The following DDT variants were observed in gnomAD, a reference collection of about 807,000 sequenced individuals.
DDT encodes the protein D-dopachrome tautomerase, also known as D-dopachrome decarboxylase.
DDT carries 4 observed loss-of-function variants against 2.5 expected under a neutral mutation model. The observed-to-expected ratio is 1.59, with a 90% CI of 0.78 to 3.63. DDT has a LOEUF of 3.63. DDT is among the 30% of genes most tolerant of loss of function. The probability of loss-of-function intolerance (pLI) is 0.01; values close to 1 mark genes in which losing one functional copy is unlikely to be tolerated. For synonymous variants in DDT, 11 were observed against 10.0 expected (o/e 1.10, Z -0.19); for missense variants, 32 against 30.0 (o/e 1.07, Z -0.15).
chr22:23,971,552 C>A lies in DDT; in HGVS notation c.356G>T (p.Ter119LeuextTer28). ...GKIGTVMTFL[*>L] ...TGCCCTGGATCCCTCCGTGCCCAAT[C>A]ATAAAAAAGTCATGACCGTCCCTAT... The change falls in exon 3 of 3, where the codon TGA becomes TTA. Residue 119 changes from the stop codon to leucine, a stop_lost. Coordinates refer to ENST00000398344, the MANE Select transcript of DDT (RefSeq NM_001084392.3). 1 of 1,614,034 alleles carries A rather than the reference C, an allele frequency of 6.2e-7. No homozygotes were observed. Among genetic ancestry groups the A allele is most frequent in the Non-Finnish European group, 8.5e-7 (1 of 1,179,956 alleles).
intron 2 of DDT, 55 bp from the exon 3 acceptor site, chr22:23,971,678 G>C: frequency 2.0e-6 from 3 of 1,530,400 alleles, no homozygotes; most frequent in African/African-American, 1.4e-5. Context: ...ACCACATCTT[G>C]CAAGACCCCT....
chr22:23,971,501 T>C lies in DDT; in HGVS notation c.*50A>G. Reference sequence around the variant, plus strand: ...GGCCCTCACTCTGCCAAGAGATCTCTCTGGAAGAAGCAGCCAGTTCACAGA... The same window carrying C: ...GGCCCTCACTCTGCCAAGAGATCTCCCTGGAAGAAGCAGCCAGTTCACAGA... On this transcript the variant is annotated 3_prime_UTR_variant, in exon 3 of 3. Coordinates refer to ENST00000398344, the MANE Select transcript of DDT (RefSeq NM_001084392.3). 1 of 1,611,168 alleles carries C rather than the reference T, an allele frequency of 6.2e-7. No homozygotes were observed. Among genetic ancestry groups the C allele is most frequent in the Non-Finnish European group, 8.5e-7 (1 of 1,178,116 alleles).
intron 2 of DDT, 89 bp from the exon 3 acceptor site, chr22:23,971,712 C>A (rs551107747): frequency 5.8e-6 from 7 of 1,199,058 alleles, no homozygotes; most frequent in Non-Finnish European, 8.3e-6. Flanking sequence ...ACTGTGGGTA[C>A]TCAGGACAGC....
At chr22:23,975,593 C>A (rs1393839253), upstream of DDT, among the ~76,000 whole-genome samples, 1 of 107,326 alleles carries the variant, frequency 9.3e-6, no homozygotes, top group East Asian at 2.7e-4. Context: ...GGCTAGGCAA[C>A]ATAGCAAGAT....
intron 2 of DDT, chr22:23,971,870 G>C (rs2033911459): frequency 3.9e-6 from 2 of 512,610 alleles, no homozygotes; most frequent in African/African-American, 3.8e-5. Context: ...AGTAGCCTCG[G>C]TGTGTGTGCC....
chr22:23,973,366 A>ATACG, intron 2 of DDT: 1 of 4,034 alleles, frequency 2.5e-4, no homozygotes, highest in Admixed American at 9.3e-4. Context: ...CAGGTCCAAA[A>ATACG]TACGTAACTT....
intron 2 of DDT, 54 bp from the exon 3 acceptor site, chr22:23,971,677 T>TG: frequency 6.5e-7 from 1 of 1,534,124 alleles, no homozygotes; most frequent in Middle Eastern, 1.7e-4. Flanking sequence ...TACCACATCT[T>TG]GCAAGACCCC....
chr22:23,972,474 T>C (rs1443174298), intron 2 of DDT: 2 of 150,074 alleles, frequency 1.3e-5, no homozygotes, highest in African/African-American at 2.5e-5. Context: ...TTACTTATAA[T>C]ACCTAATATA....
At chr22:23,972,389 TC>T (rs2033924372) in intron 2 of DDT, 1 of 181,904 alleles carries the variant, frequency 5.5e-6, no homozygotes, top group Non-Finnish European at 1.0e-5. Flanking sequence ...TTTGCTCAAG[TC>T]CCTTACATAA....
At position 23,971,445 on chromosome 22, in the gene DDT, A is replaced by G. The variant is rs1244369968; in HGVS notation, c.*106T>C. On this transcript the variant is annotated 3_prime_UTR_variant, in exon 3 of 3. Coordinates refer to ENST00000398344, the MANE Select transcript of DDT (RefSeq NM_001084392.3). ...GATTATGTGATCACAGGAATGTTGC[A>G]TGCGGGATAATCCAAAGCTGGTTAT... 2 of 1,608,626 alleles carry G rather than the reference A, an allele frequency of 1.2e-6. No homozygotes were observed. Among genetic ancestry groups the G allele is most frequent in the Non-Finnish European group, 8.5e-7 (1 of 1,176,540 alleles).
At position 23,971,466 on chromosome 22, in the gene DDT, G is replaced by C; in HGVS notation, c.*85C>G. ...TTGCATGCGGGATAATCCAAAGCTG[G>C]TTATCTCCAGGCCCTCACTCTGCCA... On this transcript the variant is annotated 3_prime_UTR_variant, in exon 3 of 3. Coordinates refer to ENST00000398344, the MANE Select transcript of DDT (RefSeq NM_001084392.3). 1 of 1,606,952 alleles carries C rather than the reference G, an allele frequency of 6.2e-7. No homozygotes were observed. The highest frequency in any genetic ancestry group is 8.5e-7 in the Non-Finnish European group (1 of 1,175,520).
intron 2 of DDT, chr22:23,972,891 T>C (rs1342036462): frequency 3.1e-4 from 19 of 61,692 alleles, no homozygotes; most frequent in Admixed American, 1.7e-3. Flanking sequence ...CACACCACCA[T>C]GTCCGGTTAA....
chr22:23,972,291 G>A (rs1433368167), intron 2 of DDT: 2 of 881,652 alleles, frequency 2.3e-6, no homozygotes, highest in African/African-American at 1.8e-5. Flanking sequence ...CATGGTAAGT[G>A]TATAACACTT....
Position 23,971,472 on chromosome 22 carries a change from T to C in DDT, c.*79A>G. 6 of 1,607,718 alleles carry C rather than the reference T, an allele frequency of 3.7e-6. No homozygotes were observed. Among genetic ancestry groups the C allele is most frequent in the Non-Finnish European group, 5.1e-6 (6 of 1,175,878 alleles). On this transcript the variant is annotated 3_prime_UTR_variant, in exon 3 of 3. Transcript: ENST00000398344. ...GCGGGATAATCCAAAGCTGGTTATC[T>C]CCAGGCCCTCACTCTGCCAAGAGAT...
Position 23,971,535 on chromosome 22 carries a change from A to C in DDT, c.*16T>G. 1 of 1,613,808 alleles carries C rather than the reference A, an allele frequency of 6.2e-7. No homozygotes were observed. The highest frequency in any genetic ancestry group is 8.5e-7 in the Non-Finnish European group (1 of 1,179,832). The stretch of plus-strand genomic sequence containing the variant: ...AGCAGCCAGTTCACAGATGCCCTGG[A>C]TCCCTCCGTGCCCAATCATAAAAAA... On this transcript the variant is annotated 3_prime_UTR_variant, in exon 3 of 3. Coordinates refer to ENST00000398344, the MANE Select transcript of DDT (RefSeq NM_001084392.3).
rs2033919030 is a variant in DDT, at chr22:23,972,138, T to C, written c.285-515A>G. 1.1e-5 allele frequency: 11 copies of C among 981,114 alleles called. 1 individual carries two copies. Among genetic ancestry groups the C allele is most frequent in the South Asian group, 9.4e-5 (2 of 21,274 alleles). 60.8% of individuals were successfully genotyped at this position (981,114 alleles called of 1,614,324 possible). A position where few individuals can be genotyped will look rare whatever the true frequency, so the allele number is the denominator to read the frequency against. Reference sequence around the variant, plus strand: ...GGGGCGGGCGGGAGTATGAACAGCCTGTCTTCTCATCATAAAATTGGCATA... The same window carrying C: ...GGGGCGGGCGGGAGTATGAACAGCCCGTCTTCTCATCATAAAATTGGCATA... On this transcript the variant is annotated intron_variant, in intron 2 of 2. Transcript: ENST00000398344.
rs748227854 is a variant in DDT at position 23,971,388 on chromosome 22, CTT to C, written c.*161_*162del. 21 of 1,613,746 alleles carry C rather than the reference CTT, an allele frequency of 1.3e-5. No individual in the cohort carries two copies. The highest frequency in any genetic ancestry group is 1.8e-5 in the Non-Finnish European group (21 of 1,179,892). ...AGTCATGTTTGAATGAGGAAGCTCT[CTT>C]CATTTATTTCATATGAGGATGAAGA... On this transcript the variant is annotated 3_prime_UTR_variant, in exon 3 of 3. Transcript: ENST00000398344.
Position 23,971,618 on chromosome 22 carries a change from A to T in DDT, c.290T>A (p.Leu97His). 1 of 1,614,078 alleles carries T rather than the reference A, an allele frequency of 6.2e-7. No homozygotes were observed. The highest frequency in any genetic ancestry group is 8.5e-7 in the Non-Finnish European group (1 of 1,179,942). Reference sequence around the variant, plus strand: ...GGACTCCAAGGGGAAAAAGCGGATAAGTATCCTTCAGGAGACAGAGAAAAA... The same window carrying T: ...GGACTCCAAGGGGAAAAAGCGGATATGTATCCTTCAGGAGACAGAGAAAAA... ...KELALGQDRILIRFFPLESWQ... is the reference protein window; with the variant it reads ...KELALGQDRIHIRFFPLESWQ... The change falls in exon 3 of 3, where the codon CTT becomes CAT. Residue 97 changes from leucine (L) to histidine (H), a missense_variant. Physicochemically the swap from Leu to His is moderately conservative, Grantham distance 99. Coordinates refer to ENST00000398344, the MANE Select transcript of DDT (RefSeq NM_001084392.3).
rs755557553 is a variant in DDT at position 23,971,394 on chromosome 22, T to C, written c.*157A>G. 1.2e-6 allele frequency: 2 copies of C among 1,613,652 alleles called. No homozygotes were observed. The highest frequency in any genetic ancestry group is 1.3e-5 in the African/African-American group (1 of 75,014). On this transcript the variant is annotated 3_prime_UTR_variant, in exon 3 of 3. Coordinates refer to ENST00000398344, the MANE Select transcript of DDT (RefSeq NM_001084392.3). ...GTTTGAATGAGGAAGCTCTCTTCAT[T>C]TATTTCATATGAGGATGAAGAAGAG...
Sources: allele counts gnomAD v4.1 joint callset (sites outside exome capture counted in the v4.1 genomes callset), GRCh38; gene constraint gnomAD v4.1.1; transcripts MANE v1.5; gene names NCBI Gene and HGNC (gene_info 2026-07-23, HGNC 2026-07-21).